TARM1: variants seen among roughly 807,000 people sequenced by gnomAD.
The protein encoded by TARM1 is T-cell-interacting, activating receptor on myeloid cells protein 1.
Under a neutral mutation model 30.4 loss-of-function variants are expected in TARM1, and 24 were observed. The observed-to-expected ratio is 0.79, with a 90% CI of 0.57 to 1.11. TARM1 has a LOEUF of 1.11. Among genes scored for constraint, TARM1 ranks in the 50% least tolerant of loss-of-function variants. TARM1 has a pLI of 0.00. For synonymous variants in TARM1, 129 were observed against 138.9 expected (o/e 0.93, Z 0.50); for missense variants, 323 against 332.8 (o/e 0.97, Z 0.23).
intron 2 of TARM1, 30 bp downstream of exon 2, chr19:54,075,853 C>T (rs1465788217): frequency 6.4e-7 from 1 of 1,550,390 alleles, no homozygotes; most frequent in Non-Finnish European, 8.7e-7. Context: ...GATGACAGGC[C>T]AAGGAGGGTG....
At chr19:54,077,828 C>T (rs1332849757) in intron 1 of TARM1, among the ~76,000 whole-genome samples, 2 of 149,856 alleles carry the variant, frequency 1.3e-5, no homozygotes, top group Admixed American at 6.7e-5. Context: ...CTGCAACCTC[C>T]GCCTCGCGGG....
intron 1 of TARM1, chr19:54,076,530 G>A (rs767394948): frequency 9.7e-6 from 3 of 309,420 alleles, no homozygotes; most frequent in Non-Finnish European, 1.8e-5. Flanking sequence ...GCCCGGCTGA[G>A]TTTTGTATTA....
At chr19:54,075,235 T>G (rs1322093501) in intron 2 of TARM1, 121 bp from the exon 3 acceptor site, 1 of 872,242 alleles carries the variant, frequency 1.1e-6, no homozygotes, top group African/African-American at 1.7e-5. Flanking sequence ...TTGCCCAGGC[T>G]AGAGTGCAGT....
chr19:54,070,313 G>C (rs1295696219), intron 4 of TARM1, among the ~76,000 whole-genome samples, 153 bp from the exon 5 acceptor site: 1 of 151,982 alleles, frequency 6.6e-6, no homozygotes, highest in Non-Finnish European at 1.5e-5. Context: ...GACCAGGCTG[G>C]AGTGCAGTGG....
intron 4 of TARM1, among the ~76,000 whole-genome samples, chr19:54,072,001 G>A (rs587703160): frequency 6.6e-6 from 1 of 152,182 alleles, no homozygotes; most frequent in African/African-American, 2.4e-5. Context: ...GACCAGCCTG[G>A]CCAATATGGT....
At chr19:54,081,047 T>C (rs587758222) in intron 1 of TARM1, among the ~76,000 whole-genome samples, 2 of 152,114 alleles carry the variant, frequency 1.3e-5, no homozygotes, top group East Asian at 1.9e-4. Flanking sequence ...AAAGTCAGAG[T>C]TGATCCTGAG....
In TARM1 at chr19:54,070,122, T is replaced by C. The variant is rs2071772262; in HGVS notation, c.697A>G (p.Asn233Asp). The C allele has an allele frequency of 3.9e-6, 6 of 1,551,618 alleles. No homozygotes were observed. The highest frequency in any genetic ancestry group is 5.2e-6 in the Non-Finnish European group (6 of 1,146,968). ...GTTSSNYSLGNFVRLGLAAVI... is the reference protein window; with the variant it reads ...GTTSSNYSLGDFVRLGLAAVI... ...GCAGCCAGACCCAGTCGTACGAAGT[T>C]ACCCAGGGAGTAGTTGCTCGATGTG... The change falls in exon 5 of 5, where the codon AAC becomes GAC. Residue 233 changes from asparagine to aspartate, a missense_variant. Physicochemically the swap from Asn to Asp is conservative, Grantham distance 23. Coordinates refer to ENST00000432826, the MANE Select transcript of TARM1 (RefSeq NM_001135686.3).
intron 1 of TARM1, among the ~76,000 whole-genome samples, chr19:54,080,181 A>G: frequency 7.1e-6 from 1 of 140,346 alleles, no homozygotes; most frequent in South Asian, 2.4e-4. Context: ...GCAAGCAAGC[A>G]AGCAAGCAAG....
At chr19:54,079,461 G>A (rs1481157171) in intron 1 of TARM1, among the ~76,000 whole-genome samples, 5 of 152,162 alleles carry the variant, frequency 3.3e-5, no homozygotes, top group African/African-American at 1.2e-4. Flanking sequence ...GTCTGTGAGG[G>A]TGTTTTTAGA....
rs1193424575 is a variant in TARM1 at position 54,076,335 on chromosome 19, T to TTTCTTTCATTCA, written c.35-418_35-417insTGAATGAAAGAA. The TTTCTTTCATTCA allele has an allele frequency of 1.0e-3, 511 of 506,692 alleles. 3 individuals carry two copies. Among genetic ancestry groups the TTTCTTTCATTCA allele is most frequent in the East Asian group, 9.0e-3 (264 of 29,228 alleles). The allele number at this position is 506,692 out of a possible 1,614,324, so 31.4% of individuals were successfully genotyped here. A position where few individuals can be genotyped will look rare whatever the true frequency, so the allele number is the denominator to read the frequency against. On this transcript the variant is annotated intron_variant, in intron 1 of 4. Coordinates refer to ENST00000432826, the MANE Select transcript of TARM1 (RefSeq NM_001135686.3). ...CTCGCTCTTTCTTTCTTTTTCTTTCTTTCTTTCTTTCTTTCATTCATTCTT... is the reference window on the plus strand; with the variant it reads ...CTCGCTCTTTCTTTCTTTTTCTTTCTTTCTTTCATTCATTCTTTCTTTCTTTCATTCATTCTT...
At chr19:54,077,705 T>G (rs1444780260) in intron 1 of TARM1, among the ~76,000 whole-genome samples, 1 of 151,662 alleles carries the variant, frequency 6.6e-6, no homozygotes, top group Admixed American at 6.6e-5. Flanking sequence ...CAGTGTGCTC[T>G]ATATATTCAA....
chr19:54,080,097 AAGGAAGG>A (rs2072065753), intron 1 of TARM1, among the ~76,000 whole-genome samples: 2,578 of 32,520 alleles, frequency 0.079, 276 homozygotes, highest in East Asian at 0.25. Context: ...GAAAGAAAGG[AAGGAAGG>A]AAGGAAGGAA....
intron 4 of TARM1, 75 bp downstream of exon 4, chr19:54,073,845 A>G: frequency 6.9e-7 from 1 of 1,459,092 alleles, no homozygotes; most frequent in Non-Finnish European, 9.3e-7. Context: ...TGAAGAAATG[A>G]GATTCACAGA....
chr19:54,076,562 C>T (rs2071961823), intron 1 of TARM1: 1 of 221,010 alleles, frequency 4.5e-6, no homozygotes, highest in South Asian at 9.6e-5. Context: ...AGGGTTTCAC[C>T]ATATTGGCCA....
intron 1 of TARM1, among the ~76,000 whole-genome samples, chr19:54,080,896 C>T (rs8112331): frequency 0.044 from 6,653 of 152,018 alleles, 411 homozygotes; most frequent in African/African-American, 0.14. Flanking sequence ...CGCTTGAACC[C>T]GGGAGGCAGA....
intron 1 of TARM1, among the ~76,000 whole-genome samples, chr19:54,079,153 AC>A (rs1193887678): frequency 1.3e-5 from 2 of 149,664 alleles, no homozygotes; most frequent in Non-Finnish European, 3.0e-5. Context: ...GATCCCAGCT[AC>A]TCGGGAGGGA....
intron 1 of TARM1, among the ~76,000 whole-genome samples, chr19:54,077,739 G>GTTTTTTTT (rs1185350896): frequency 8.5e-6 from 1 of 117,632 alleles, no homozygotes. Flanking sequence ...CTTTTTCTTC[G>GTTTTTTTT]TTTTTTTTTT....
Position 54,080,128 on chromosome 19 carries a change from G to GAAAGAAAGAAAGAAAGAAAGAAAGA in TARM1, c.34+1178_34+1179insTCTTTCTTTCTTTCTTTCTTTCTTT, listed in dbSNP as rs2072072082. ...GGAAGGAAGGAAGGAAGGAAGGAAG[G>GAAAGAAAGAAAGAAAGAAAGAAAGA]AAGGAAGGAAGAAAGCAAGCAAGCA... On this transcript the variant is annotated intron_variant, in intron 1 of 4. Coordinates refer to ENST00000432826, the MANE Select transcript of TARM1 (RefSeq NM_001135686.3). 5.2e-5 allele frequency among the ~76,000 whole-genome samples: 2 copies of GAAAGAAAGAAAGAAAGAAAGAAAGA among 38,770 alleles called. 1 individual carries two copies. The highest frequency in any genetic ancestry group is 1.8e-4 in the African/African-American group (2 of 10,836). The allele number at this position is 38,770 out of a possible 152,430, so 25.4% of individuals were successfully genotyped here.
intron 1 of TARM1, among the ~76,000 whole-genome samples, chr19:54,077,076 TG>T (rs1219394503): frequency 3.3e-5 from 5 of 152,110 alleles, no homozygotes; most frequent in Non-Finnish European, 7.4e-5. Context: ...GAGACAGGGC[TG>T]GGCTGGTTAA....
Sources: gnomAD v4.1 joint callset for allele counts (sites outside exome capture counted in the v4.1 genomes callset) on GRCh38, gnomAD v4.1.1 for gene constraint, MANE v1.5 for transcripts, NCBI Gene and HGNC (gene_info 2026-07-23, HGNC 2026-07-21) for gene names.